Variants in CAPZA1 observed in about 807,000 individuals in gnomAD.
CAPZA1 encodes capping actin protein of muscle Z-line subunit alpha 1, also known as F-actin-capping protein subunit alpha-1.
CAPZA1 carries 10 observed loss-of-function variants against 40.8 expected under a neutral mutation model. That is an observed-to-expected ratio of 0.25 (90% CI 0.15 to 0.42). CAPZA1 has a LOEUF of 0.42. CAPZA1 is among the 10% of genes least tolerant of loss of function. CAPZA1 has a pLI of 1.00. For synonymous variants in CAPZA1, 98 were observed against 115.0 expected (o/e 0.85, Z 0.95); for missense variants, 277 against 353.8 (o/e 0.78, Z 1.74).
At chr1:112,664,180 C>T (rs1257213958) in intron 7 of CAPZA1, among the ~76,000 whole-genome samples, 7 of 150,018 alleles carry the variant, frequency 4.7e-5, no homozygotes, top group South Asian at 2.1e-4. Context: ...TGCAGTGAGC[C>T]GACATCAGCC....
intron 7 of CAPZA1, among the ~76,000 whole-genome samples, chr1:112,660,562 G>A (rs1671586260): frequency 6.6e-6 from 1 of 152,144 alleles, no homozygotes; most frequent in South Asian, 2.1e-4. Flanking sequence ...TTACAGGCGT[G>A]AGCCACTGCA....
At chr1:112,646,107 C>T (rs1240961101) in intron 1 of CAPZA1, among the ~76,000 whole-genome samples, 1 of 152,052 alleles carries the variant, frequency 6.6e-6, no homozygotes, top group African/African-American at 2.4e-5. Flanking sequence ...CGGATTAGAA[C>T]CTAACATTTT....
intron 1 of CAPZA1, among the ~76,000 whole-genome samples, chr1:112,642,279 T>A (rs1671186044): frequency 6.8e-6 from 1 of 146,376 alleles, no homozygotes; most frequent in Non-Finnish European, 1.5e-5. Flanking sequence ...AGTGGCGCAA[T>A]CTTGACTCAC....
intron 1 of CAPZA1, among the ~76,000 whole-genome samples, chr1:112,643,876 A>AGACGGAGT (rs1557731535): frequency 6.7e-6 from 1 of 150,340 alleles, no homozygotes; most frequent in African/African-American, 2.5e-5. Flanking sequence ...AGACAGTCTC[A>AGACGGAGT]CTCTGTCGCC....
At chr1:112,638,980 TTATATAA>T (rs945813970) in intron 1 of CAPZA1, among the ~76,000 whole-genome samples, 2 of 141,228 alleles carry the variant, frequency 1.4e-5, no homozygotes, top group Non-Finnish European at 3.0e-5. Context: ...AGAGAATAAT[TTATATAA>T]TATATAATTA....
At chr1:112,649,626 G>T (rs1029827976) in intron 3 of CAPZA1, 157 bp downstream of exon 3, 1 of 639,532 alleles carries the variant, frequency 1.6e-6, no homozygotes, top group Non-Finnish European at 2.8e-6. Flanking sequence ...GAGAAAACAT[G>T]TTCCCCCAAT....
chr1:112,625,336 GA>G (rs1670785030), intron 1 of CAPZA1, among the ~76,000 whole-genome samples: 2 of 152,138 alleles, frequency 1.3e-5, no homozygotes, highest in Admixed American at 6.6e-5. Flanking sequence ...AGCCCCTAAT[GA>G]AAGTATTTCC....
rs60802838 is a variant in CAPZA1, at chr1:112,644,184, C to CTTTTTTTTT, written c.40-3010_40-3002dup. Among the ~76,000 whole-genome samples the CTTTTTTTTT allele has an allele frequency of 4.5e-3, 258 of 56,798 alleles. 41 individuals are homozygous for CTTTTTTTTT. The highest frequency in any genetic ancestry group is 0.013 in the African/African-American group (168 of 12,666). 37.3% of individuals were successfully genotyped at this position (56,798 alleles called of 152,430 possible). On this transcript the variant is annotated intron_variant, in intron 1 of 9. Coordinates refer to ENST00000263168, the MANE Select transcript of CAPZA1 (RefSeq NM_006135.3). Reference sequence around the variant, plus strand: ...TTTTTTTCTAATTCTCTTCTCCCAGCTTTTTTTTTTTTTTTTTTTTTTTTG... The same window carrying CTTTTTTTTT: ...TTTTTTTCTAATTCTCTTCTCCCAGCTTTTTTTTTTTTTTTTTTTTTTTTTTTTTTTTTG...
chr1:112,667,899 ACTT>A (rs1671755393), intron 8 of CAPZA1, among the ~76,000 whole-genome samples: 1 of 152,048 alleles, frequency 6.6e-6, no homozygotes, highest in Admixed American at 6.5e-5. Context: ...TAGTCTCATT[ACTT>A]CTTTAAGTTA....
intron 1 of CAPZA1, among the ~76,000 whole-genome samples, chr1:112,633,229 T>C (rs1670955322): frequency 6.6e-6 from 1 of 152,178 alleles, no homozygotes; most frequent in African/African-American, 2.4e-5. Context: ...ATATCTTTCC[T>C]TTCCCCATCC....
chr1:112,640,396 G>A (rs1290677041), intron 1 of CAPZA1, among the ~76,000 whole-genome samples: 16 of 107,992 alleles, frequency 1.5e-4, no homozygotes, highest in African/African-American at 1.8e-4. Flanking sequence ...CAGCCGCCCC[G>A]TCCGGGAGGT....
intron 9 of CAPZA1, among the ~76,000 whole-genome samples, 162 bp downstream of exon 9, chr1:112,669,767 A>C (rs1671795033): frequency 6.6e-6 from 1 of 152,242 alleles, no homozygotes; most frequent in Non-Finnish European, 1.5e-5. Context: ...TTCTGCTTAC[A>C]GTCAGGGTTT....
chr1:112,669,501 TA>T (rs769911057), intron 8 of CAPZA1, 41 bp from the exon 9 acceptor site: 431 of 1,343,010 alleles, frequency 3.2e-4, no homozygotes, highest in Non-Finnish European at 3.8e-4. Context: ...GCTTACACAT[TA>T]AAAAAAAATC....
At chr1:112,636,133 T>G (rs1005581112) in intron 1 of CAPZA1, among the ~76,000 whole-genome samples, 1 of 152,216 alleles carries the variant, frequency 6.6e-6, no homozygotes, top group Non-Finnish European at 1.5e-5. Flanking sequence ...TTTTATAAAT[T>G]CCTTAGGACA....
intron 3 of CAPZA1, among the ~76,000 whole-genome samples, chr1:112,653,379 T>A (rs539462905): frequency 1.3e-5 from 2 of 152,300 alleles, no homozygotes; most frequent in South Asian, 4.1e-4. Context: ...TTTCAGAGTT[T>A]AAGGAGCTTC....
intron 8 of CAPZA1, among the ~76,000 whole-genome samples, chr1:112,668,257 CAG>C (rs1570729668): frequency 6.6e-6 from 1 of 151,990 alleles, no homozygotes; most frequent in Non-Finnish European, 1.5e-5. Flanking sequence ...GCCTGGGTGA[CAG>C]AATGAAACCC....
chr1:112,641,886 C>CAAAAAAAAAAA (rs56057393), intron 1 of CAPZA1, among the ~76,000 whole-genome samples: 1 of 98,110 alleles, frequency 1.0e-5, no homozygotes, highest in Admixed American at 1.1e-4. Flanking sequence ...GAGACTGTCT[C>CAAAAAAAAAAA]AAAAAAAAAA....
intron 1 of CAPZA1, among the ~76,000 whole-genome samples, chr1:112,621,761 G>GTTTTT (rs11418884): frequency 8.1e-6 from 1 of 122,904 alleles, no homozygotes; most frequent in East Asian, 2.3e-4. Context: ...TTGGGTTATG[G>GTTTTT]TTTTTTTTTT....
intron 1 of CAPZA1, among the ~76,000 whole-genome samples, chr1:112,623,681 CAAAAA>C (rs1190278316): frequency 2.3e-5 from 2 of 87,776 alleles, no homozygotes; most frequent in African/African-American, 8.7e-5. Context: ...AACTCCGTCT[CAAAAA>C]AAAAAAAAAA....
Sources: gnomAD v4.1 joint callset for allele counts (sites outside exome capture counted in the v4.1 genomes callset) on GRCh38, gnomAD v4.1.1 for gene constraint, MANE v1.5 for transcripts, NCBI Gene and HGNC (gene_info 2026-07-23, HGNC 2026-07-21) for gene names.